ATP10B: variants seen among roughly 807,000 people sequenced by gnomAD.
ATP10B encodes the protein ATPase phospholipid transporting 10B (putative), also known as phospholipid-transporting ATPase VB.
ATP10B carries 122 observed loss-of-function variants against 141.2 expected under a neutral mutation model. The ratio of observed to expected loss-of-function variants is 0.86; its 90% confidence interval spans 0.75 to 1.00. ATP10B has a LOEUF of 1.00. ATP10B is among the 50% of genes least tolerant of loss of function. The probability of loss-of-function intolerance (pLI) is 0.00; values close to 1 mark genes in which losing one functional copy is unlikely to be tolerated. For synonymous variants in ATP10B, 685 were observed against 692.0 expected (o/e 0.99, Z 0.16); for missense variants, 1,876 against 1,825.3 (o/e 1.03, Z -0.51).
chr5:160,626,041 TG>T (rs1758593409), intron 13 of ATP10B, among the ~76,000 whole-genome samples: 1 of 152,276 alleles, frequency 6.6e-6, no homozygotes, highest in African/African-American at 2.4e-5. Flanking sequence ...AGGCTCTTCA[TG>T]GCTCCTTTTG....
chr5:160,768,326 CATGT>C (rs1769634708), intron 2 of ATP10B, among the ~76,000 whole-genome samples: 1 of 152,120 alleles, frequency 6.6e-6, no homozygotes, highest in Non-Finnish European at 1.5e-5. Flanking sequence ...CAGATTATGC[CATGT>C]ACCTAAATTC....
At chr5:160,826,380 A>G (rs1349641030) in intron 1 of ATP10B, among the ~76,000 whole-genome samples, 1 of 152,168 alleles carries the variant, frequency 6.6e-6, no homozygotes, top group Non-Finnish European at 1.5e-5. Context: ...TTTCATGGAC[A>G]TTTATCACTT....
chr5:160,722,705 A>T (rs1178867582), intron 2 of ATP10B, among the ~76,000 whole-genome samples: 1 of 151,936 alleles, frequency 6.6e-6, no homozygotes, highest in Non-Finnish European at 1.5e-5. Context: ...AACATCCAAC[A>T]CTCTTCACCC....
At chr5:160,845,040 T>G (rs900792192) in intron 1 of ATP10B, among the ~76,000 whole-genome samples, 20 of 152,168 alleles carry the variant, frequency 1.3e-4, no homozygotes, top group Non-Finnish European at 7.3e-5. Context: ...ATGTTGACTT[T>G]TGTGTGTACT....
chr5:160,694,583 T>C (rs1300254028), intron 3 of ATP10B, among the ~76,000 whole-genome samples: 3 of 152,204 alleles, frequency 2.0e-5, no homozygotes, highest in Admixed American at 2.0e-4. Context: ...TCTCCCAAAC[T>C]TTCTCCACGT....
intron 3 of ATP10B, among the ~76,000 whole-genome samples, chr5:160,705,476 A>G (rs1261706394): frequency 1.3e-5 from 2 of 152,092 alleles, no homozygotes; most frequent in East Asian, 3.9e-4. Context: ...CAATCTGCCC[A>G]CCTTGGGATT....
At chr5:160,900,578 G>A in the ATP10B span, among the ~76,000 whole-genome samples, 23 of 152,144 alleles carry the variant, frequency 1.5e-4, no homozygotes, top group Non-Finnish European at 2.9e-4. Flanking sequence ...AGGTGTTAAT[G>A]TATGTGCTAC....
the ATP10B span, among the ~76,000 whole-genome samples, chr5:160,861,408 T>A: frequency 6.6e-6 from 1 of 151,778 alleles, no homozygotes; most frequent in African/African-American, 2.4e-5. Context: ...CTTACTAAAT[T>A]CTGAAGAAAG....
At chr5:160,632,564 C>T (rs1029623710) in intron 12 of ATP10B, 197 bp from the exon 13 acceptor site, 3 of 467,046 alleles carry the variant, frequency 6.4e-6, no homozygotes, top group Non-Finnish European at 1.1e-5. Context: ...AGTGGACTAC[C>T]TACTAGTTAT....
At chr5:160,766,664 C>A (rs1482671507) in intron 2 of ATP10B, among the ~76,000 whole-genome samples, 1 of 152,030 alleles carries the variant, frequency 6.6e-6, no homozygotes, top group Non-Finnish European at 1.5e-5. Context: ...GTGATGGGTG[C>A]ACCAAAATAT....
intron 3 of ATP10B, among the ~76,000 whole-genome samples, chr5:160,693,643 G>A (rs1764207347): frequency 6.6e-6 from 1 of 152,164 alleles, no homozygotes; most frequent in Non-Finnish European, 1.5e-5. Flanking sequence ...TTTGGCACCA[G>A]GGACTGGTTT....
chr5:160,856,150 T>C (rs145985582), upstream of ATP10B, among the ~76,000 whole-genome samples: 1 of 152,048 alleles, frequency 6.6e-6, no homozygotes, highest in East Asian at 1.9e-4. Context: ...TAAATTCATA[T>C]ACTAATTTGG....
rs151001431 is a variant in ATP10B at position 160,705,810 on chromosome 5, A to G, written c.-205+11099T>C. On this transcript the variant is annotated intron_variant, in intron 3 of 25. Transcript: ENST00000327245. ...TTTCTTTGCATTCACAACTTGGTCA[A>G]CTATTTGGTGCAAGAGGCCTAGATT... is the stretch of plus-strand genomic sequence containing the variant. 6.5e-3 allele frequency among the ~76,000 whole-genome samples: 997 copies of G among 152,334 alleles called. 15 individuals are homozygous for G. Among genetic ancestry groups the G allele is most frequent in the African/African-American group, 0.023 (945 of 41,572 alleles).
At position 160,602,601 on chromosome 5, in the gene ATP10B, C is replaced by T; in HGVS notation, c.3339G>A (p.Val1113=). 1.2e-6 allele frequency: 2 copies of T among 1,613,942 alleles called. No individual in the cohort carries two copies. Among genetic ancestry groups the T allele is most frequent in the South Asian group, 1.1e-5 (1 of 91,068 alleles). The change falls in exon 21 of 26, where the codon GTG becomes GTA. Residue 1113 remains valine, a synonymous_variant. Coordinates refer to ENST00000327245, the MANE Select transcript of ATP10B (RefSeq NM_025153.3). The stretch of plus-strand genomic sequence containing the variant: ...CCACGTTCTTGTAGAGGTAGTACAC[C>T]ACCATCCTGGCCAGGCGCGAGTAAC... ...HWCYSRLARM[V]VYYLYKNVCY...
At chr5:160,883,845 C>T in the ATP10B span, among the ~76,000 whole-genome samples, 1 of 152,094 alleles carries the variant, frequency 6.6e-6, no homozygotes, top group Non-Finnish European at 1.5e-5. Flanking sequence ...GTCATTATGG[C>T]TGCTTTCGTA....
intron 7 of ATP10B, among the ~76,000 whole-genome samples, chr5:160,667,760 A>G (rs1443876604): frequency 6.6e-6 from 1 of 152,168 alleles, no homozygotes; most frequent in Non-Finnish European, 1.5e-5. Flanking sequence ...TGACTAATTA[A>G]TATGCAAAAC....
At chr5:160,619,792 T>C (rs1379075235) in intron 15 of ATP10B, among the ~76,000 whole-genome samples, 1 of 152,152 alleles carries the variant, frequency 6.6e-6, no homozygotes, top group Admixed American at 6.5e-5. Flanking sequence ...TGGGGGAGGC[T>C]GGGGAAAAGG....
intron 6 of ATP10B, among the ~76,000 whole-genome samples, chr5:160,683,897 G>A (rs1763582289): frequency 6.6e-6 from 1 of 152,180 alleles, no homozygotes; most frequent in Non-Finnish European, 1.5e-5. Context: ...TGCCAAGTGA[G>A]AGCATGTCCT....
chr5:160,577,218 A>G (rs1755247348), intron 24 of ATP10B, among the ~76,000 whole-genome samples: 1 of 152,206 alleles, frequency 6.6e-6, no homozygotes, highest in Non-Finnish European at 1.5e-5. Flanking sequence ...AGTGTGTCCA[A>G]GAATCCAGGC....
Sources: gnomAD v4.1 joint callset for allele counts (sites outside exome capture counted in the v4.1 genomes callset) on GRCh38, gnomAD v4.1.1 for gene constraint, MANE v1.5 for transcripts, NCBI Gene and HGNC (gene_info 2026-07-23, HGNC 2026-07-21) for gene names.